The following SHTN1 variants were observed in gnomAD, a reference collection of about 807,000 sequenced individuals.
The protein encoded by SHTN1 is shootin-1.
A neutral mutation model predicts 83.1 loss-of-function variants in SHTN1; 42 were observed. The observed-to-expected ratio is 0.51, with a 90% CI of 0.39 to 0.65. The LOEUF (loss-of-function observed/expected upper bound fraction) is 0.65, where lower values mean the gene tolerates loss of function less well. Among genes scored for constraint, SHTN1 ranks in the 30% least tolerant of loss-of-function variants. The pLI, the probability that SHTN1 is intolerant of heterozygous loss-of-function variation, is 0.00. For missense variants in SHTN1, 622 were observed against 737.8 expected (o/e 0.84, Z 1.82); for synonymous variants, 224 against 247.7 (o/e 0.90, Z 0.90).
At chr10:116,983,687 A>C (rs4993926) in intron 1 of SHTN1, among the ~76,000 whole-genome samples, 723 of 60,272 alleles carry the variant, frequency 0.012, 10 homozygotes, top group South Asian at 0.056. Flanking sequence ...TAGATAGATA[A>C]ATACATACAT....
chr10:117,036,089 C>A (rs2133576482), intron 2 of SHTN1, among the ~76,000 whole-genome samples: 1 of 151,992 alleles, frequency 6.6e-6, no homozygotes. Flanking sequence ...AATAAGATTT[C>A]ATCTTAACCA....
intron 2 of SHTN1, among the ~76,000 whole-genome samples, chr10:116,972,078 C>T (rs1188186698): frequency 6.6e-6 from 1 of 152,208 alleles, no homozygotes; most frequent in Non-Finnish European, 1.5e-5. Flanking sequence ...CAGGTCCACG[C>T]TCTCTGCTAT....
intron 2 of SHTN1, among the ~76,000 whole-genome samples, chr10:116,975,042 T>A (rs1443781223): frequency 6.6e-6 from 1 of 152,204 alleles, no homozygotes; most frequent in African/African-American, 2.4e-5. Context: ...CACCTCAGTA[T>A]GATAGGCTCT....
At chr10:117,015,205 T>A (rs1389040053) in intron 2 of SHTN1, among the ~76,000 whole-genome samples, 1 of 152,244 alleles carries the variant, frequency 6.6e-6, no homozygotes, top group East Asian at 1.9e-4. Flanking sequence ...TCTGTGTCAC[T>A]GTTGGACTTC....
intron 1 of SHTN1, among the ~76,000 whole-genome samples, chr10:117,064,654 C>A (rs79764254): frequency 7.4e-4 from 101 of 136,428 alleles, no homozygotes; most frequent in South Asian, 1.2e-3. Flanking sequence ...GACTTTGTCT[C>A]AAAAAAAAAA....
At chr10:116,930,284 T>C (rs1450115791) in intron 9 of SHTN1, among the ~76,000 whole-genome samples, 5 of 152,196 alleles carry the variant, frequency 3.3e-5, no homozygotes, top group African/African-American at 7.2e-5. Context: ...GGTTGTTATA[T>C]AGGTAAATTG....
chr10:116,990,287 C>CTTTTTT (rs11399364), intron 1 of SHTN1, among the ~76,000 whole-genome samples: 67 of 119,824 alleles, frequency 5.6e-4, no homozygotes, highest in African/African-American at 7.4e-4. Context: ...TTTTTTCTTT[C>CTTTTTT]TTTTTTTTTT....
At chr10:116,941,170 G>GT (rs1024730730) in intron 8 of SHTN1, among the ~76,000 whole-genome samples, 6 of 152,144 alleles carry the variant, frequency 3.9e-5, no homozygotes, top group Admixed American at 1.3e-4. Context: ...AAGAACACAC[G>GT]TAAGTGACAA....
At chr10:117,103,424 T>C (rs1220141931) in intron 1 of SHTN1, among the ~76,000 whole-genome samples, 1 of 151,954 alleles carries the variant, frequency 6.6e-6, no homozygotes, top group East Asian at 1.9e-4. Flanking sequence ...AGAAACAGAA[T>C]GTAACATACC....
chr10:117,117,726 A>G (rs930283800), intron 1 of SHTN1, among the ~76,000 whole-genome samples: 6 of 152,094 alleles, frequency 3.9e-5, no homozygotes, highest in African/African-American at 1.4e-4. Flanking sequence ...AAAGAACCAA[A>G]TTATAAATGC....
chr10:117,063,825 T>A (rs1426214581), intron 1 of SHTN1, among the ~76,000 whole-genome samples: 1 of 152,242 alleles, frequency 6.6e-6, no homozygotes, highest in East Asian at 1.9e-4. Flanking sequence ...CAATTTGTAT[T>A]CATTCTTCAG....
intron 2 of SHTN1, among the ~76,000 whole-genome samples, chr10:117,015,494 G>C (rs745845448): frequency 1.3e-5 from 2 of 152,076 alleles, no homozygotes; most frequent in Non-Finnish European, 2.9e-5. Flanking sequence ...ACCACGCCTG[G>C]CTAATTTTGT....
intron 7 of SHTN1, 39 bp from the exon 8 acceptor site, chr10:116,945,057 G>C: frequency 8.4e-7 from 1 of 1,194,684 alleles, no homozygotes; most frequent in Non-Finnish European, 1.2e-6. Context: ...CAGACAATAA[G>C]TCACACAAAT....
intron 1 of SHTN1, among the ~76,000 whole-genome samples, chr10:117,097,013 G>T (rs187835884): frequency 7.1e-6 from 1 of 141,658 alleles, no homozygotes; most frequent in African/African-American, 2.6e-5. Context: ...GCACGCGCGC[G>T]CACACACACA....
At chr10:117,120,317 G>A (rs1341991183) in intron 1 of SHTN1, among the ~76,000 whole-genome samples, 5 of 149,380 alleles carry the variant, frequency 3.3e-5, no homozygotes, top group African/African-American at 1.2e-4. Flanking sequence ...GCGTGATCTC[G>A]GCTCACTGCA....
chr10:117,065,727 T>TGAAAGAAA (rs869310024), intron 1 of SHTN1, among the ~76,000 whole-genome samples: 23 of 12,000 alleles, frequency 1.9e-3, no homozygotes, highest in South Asian at 4.4e-3. Flanking sequence ...GAGAGAGAGA[T>TGAAAGAAA]GAAAGAAAGA....
At chr10:117,120,685 A>T (rs1185423793) in intron 1 of SHTN1, among the ~76,000 whole-genome samples, 1 of 152,216 alleles carries the variant, frequency 6.6e-6, no homozygotes. Flanking sequence ...GGTAGAAGAA[A>T]CAGAACCTAG....
intron 2 of SHTN1, among the ~76,000 whole-genome samples, chr10:116,973,513 C>T (rs1850690372): frequency 6.6e-6 from 1 of 152,282 alleles, no homozygotes. Flanking sequence ...CAAATTTATA[C>T]AGGGCCCACA....
chr10:117,010,717 A>G (rs941514699), intron 2 of SHTN1, among the ~76,000 whole-genome samples: 2 of 152,226 alleles, frequency 1.3e-5, no homozygotes, highest in Admixed American at 1.3e-4. Context: ...CAACACATTA[A>G]AAGGATTATA....
Sources: allele counts gnomAD v4.1 joint callset (sites outside exome capture counted in the v4.1 genomes callset), GRCh38; gene constraint gnomAD v4.1.1; transcripts MANE v1.5; gene names NCBI Gene and HGNC (gene_info 2026-07-23, HGNC 2026-07-21).